The following CNTN1 variants were observed in gnomAD, a reference collection of about 807,000 sequenced individuals.
The protein encoded by CNTN1 is contactin-1.
Under a neutral mutation model 126.4 loss-of-function variants are expected in CNTN1, and 38 were observed. The observed-to-expected ratio is 0.30, with a 90% CI of 0.23 to 0.39. CNTN1 has a LOEUF of 0.39. Among genes scored for constraint, CNTN1 ranks in the 10% least tolerant of loss-of-function variants. CNTN1 has a pLI of 1.00. For synonymous variants in CNTN1, 413 were observed against 422.6 expected, an observed-to-expected ratio of 0.98 and a Z score of 0.28; for missense variants, 1,009 against 1,248.4, an observed-to-expected ratio of 0.81 and a Z score of 2.89.
At chr12:41,068,022 C>G (rs1198148628) in intron 23 of CNTN1, among the ~76,000 whole-genome samples, 1 of 152,098 alleles carries the variant, frequency 6.6e-6, no homozygotes, top group African/African-American at 2.4e-5. Flanking sequence ...GTGCCCTTGC[C>G]TTGATACATT....
intron 1 of CNTN1, among the ~76,000 whole-genome samples, chr12:40,868,602 A>C (rs1369866361): frequency 6.6e-6 from 1 of 152,076 alleles, no homozygotes; most frequent in East Asian, 1.9e-4. Flanking sequence ...AGCCTCCCGG[A>C]ACTACTTTCA....
At chr12:40,889,655 A>G (rs74078609) in intron 1 of CNTN1, among the ~76,000 whole-genome samples, 1 of 152,322 alleles carries the variant, frequency 6.6e-6, no homozygotes, top group African/African-American at 2.4e-5. Context: ...AAGGGCAGAA[A>G]TGGTATAAAT....
intron 16 of CNTN1, among the ~76,000 whole-genome samples, chr12:40,986,912 AT>A (rs777911535): frequency 1.3e-3 from 193 of 152,288 alleles, no homozygotes; most frequent in Admixed American, 3.6e-3. Flanking sequence ...GTCTGTAAAT[AT>A]CTGTTAGAAG....
chr12:40,920,727 A>G (rs1416136532), intron 4 of CNTN1, among the ~76,000 whole-genome samples: 1 of 152,128 alleles, frequency 6.6e-6, no homozygotes, highest in Non-Finnish European at 1.5e-5. Context: ...AGGGTACTTT[A>G]CTTCTGACTT....
intron 1 of CNTN1, among the ~76,000 whole-genome samples, chr12:40,693,982 T>G (rs1941378316): frequency 6.6e-6 from 1 of 152,240 alleles, no homozygotes; most frequent in Admixed American, 6.5e-5. Context: ...AATATAATCT[T>G]CATCCATTTC....
At chr12:40,971,341 C>T in intron 15 of CNTN1, 1 of 1,074,268 alleles carries the variant, frequency 9.3e-7, no homozygotes, top group Non-Finnish European at 1.4e-6. Context: ...CCTTACCCAT[C>T]AAGGAAATAG....
chr12:40,856,902 T>G (rs1185943086), intron 1 of CNTN1, among the ~76,000 whole-genome samples: 1 of 151,732 alleles, frequency 6.6e-6, no homozygotes, highest in South Asian at 2.1e-4. Context: ...CAGAATGACA[T>G]TCAGGAGACA....
intron 17 of CNTN1, among the ~76,000 whole-genome samples, chr12:41,012,237 A>C (rs1948677912): frequency 6.6e-6 from 1 of 152,176 alleles, no homozygotes. Flanking sequence ...TGCTCTCTAG[A>C]ACAAGGGCAG....
intron 22 of CNTN1, among the ~76,000 whole-genome samples, chr12:41,028,182 C>A (rs1285384062): frequency 1.3e-5 from 2 of 152,088 alleles, no homozygotes; most frequent in East Asian, 1.9e-4. Flanking sequence ...CAGGTGCCCA[C>A]ACCCACACCC....
chr12:40,895,606 A>G lies in CNTN1; in HGVS notation c.-76-12751A>G, dbSNP rs563086551. On this transcript the variant is annotated intron_variant, in intron 1 of 23. Coordinates refer to ENST00000551295, the MANE Select transcript of CNTN1 (RefSeq NM_001843.4). ...TGATAACCCATGAATCCATTAATCC[A>G]TGAATGGATTAAAATTCAATCACCT... is the stretch of plus-strand genomic sequence containing the variant. 7.9e-5 allele frequency among the ~76,000 whole-genome samples: 12 copies of G among 152,226 alleles called. No individual in the cohort carries two copies. In the South Asian group the frequency reaches 2.3e-3, roughly 29 times the overall value.
intron 17 of CNTN1, 22 bp downstream of exon 17, chr12:40,993,291 G>A (rs756894619): frequency 1.2e-6 from 2 of 1,606,368 alleles, no homozygotes; most frequent in Non-Finnish European, 1.7e-6. Flanking sequence ...CAAGAAACTT[G>A]AAATTTTAAA....
rs532857537 is a variant in CNTN1 at position 40,961,323 on chromosome 12, T to C, written c.1804+2089T>C. On this transcript the variant is annotated intron_variant, in intron 15 of 23. Transcript: ENST00000551295. Reference sequence around the variant, plus strand: ...CAAAAGAAATTTGCAATTAAAATAGTCAAATATATTTGACTATTGCAGAAC... The same window carrying C: ...CAAAAGAAATTTGCAATTAAAATAGCCAAATATATTTGACTATTGCAGAAC... 2.6e-5 allele frequency among the ~76,000 whole-genome samples: 4 copies of C among 152,050 alleles called. No homozygotes were observed. In the East Asian group the frequency reaches 7.7e-4, roughly 29 times the overall value.
intron 1 of CNTN1, among the ~76,000 whole-genome samples, chr12:40,716,514 A>G (rs1942054034): frequency 6.6e-6 from 1 of 152,214 alleles, no homozygotes; most frequent in South Asian, 2.1e-4. Flanking sequence ...CAAAATATAC[A>G]CTTGATAAAG....
At chr12:40,773,179 T>C (rs527320293) in intron 1 of CNTN1, among the ~76,000 whole-genome samples, 1 of 151,858 alleles carries the variant, frequency 6.6e-6, no homozygotes, top group Admixed American at 6.6e-5. Flanking sequence ...TTAAACTCCA[T>C]AAAAATTAAT....
intron 1 of CNTN1, among the ~76,000 whole-genome samples, chr12:40,705,502 G>T (rs1221558317): frequency 6.6e-6 from 1 of 151,624 alleles, no homozygotes; most frequent in Non-Finnish European, 1.5e-5. Flanking sequence ...TTTAATAATA[G>T]GTTTTAGAAT....
intron 1 of CNTN1, among the ~76,000 whole-genome samples, chr12:40,903,259 G>A (rs959666842): frequency 1.3e-5 from 2 of 152,186 alleles, no homozygotes; most frequent in African/African-American, 4.8e-5. Flanking sequence ...CGTTCAGGGA[G>A]CTGGCCAGCA....
chr12:40,927,030 T>A (rs73111376), intron 6 of CNTN1, among the ~76,000 whole-genome samples: 4,515 of 152,060 alleles, frequency 0.03, 70 homozygotes, highest in African/African-American at 0.059. Flanking sequence ...TGTGTAGATG[T>A]CGGGGGTGAT....
At chr12:40,712,937 G>A (rs1396077025) in intron 1 of CNTN1, among the ~76,000 whole-genome samples, 1 of 152,024 alleles carries the variant, frequency 6.6e-6, no homozygotes, top group African/African-American at 2.4e-5. Flanking sequence ...ATCGGGGGAT[G>A]TGAGTTATTT....
At chr12:40,963,220 G>T (rs1306088240) in intron 15 of CNTN1, among the ~76,000 whole-genome samples, 1 of 152,052 alleles carries the variant, frequency 6.6e-6, no homozygotes, top group African/African-American at 2.4e-5. Context: ...ACCAGCCTGA[G>T]CAACATGGCA....
Sources: allele counts gnomAD v4.1 joint callset (sites outside exome capture counted in the v4.1 genomes callset), GRCh38; gene constraint gnomAD v4.1.1; transcripts MANE v1.5; gene names NCBI Gene and HGNC (gene_info 2026-07-23, HGNC 2026-07-21).